The following ZNF460 variants were observed in gnomAD, a reference collection of about 807,000 sequenced individuals.
The protein encoded by ZNF460 is zinc finger protein 272.
A neutral mutation model predicts 8.4 loss-of-function variants in ZNF460; 1 was observed. That is an observed-to-expected ratio of 0.12 (90% CI 0.04 to 0.56). ZNF460 has a LOEUF of 0.56. Ranked by LOEUF, ZNF460 falls within the 20% of genes least tolerant of loss-of-function variation. The probability of loss-of-function intolerance (pLI) is 0.91; values close to 1 mark genes in which losing one functional copy is unlikely to be tolerated. For missense variants in ZNF460, 477 were observed against 714.8 expected, an observed-to-expected ratio of 0.67 and a Z score of 3.79; for synonymous variants, 262 against 259.9, an observed-to-expected ratio of 1.01 and a Z score of -0.08.
At chr19:57,283,103 T>C (rs2122883306) in intron 1 of ZNF460, among the ~76,000 whole-genome samples, 2 of 150,864 alleles carry the variant, frequency 1.3e-5, no homozygotes, top group South Asian at 2.1e-4. Context: ...GAGATGATGA[T>C]GGTAAATTCA....
At chr19:57,290,009 G>A (rs778841299) in intron 2 of ZNF460, among the ~76,000 whole-genome samples, 5 of 151,812 alleles carry the variant, frequency 3.3e-5, no homozygotes, top group Admixed American at 1.3e-4. Context: ...GCATGGTGGC[G>A]CACACCTGTA....
chr19:57,291,578 A>G lies in ZNF460; in HGVS notation c.1037A>G (p.Asn346Ser), dbSNP rs763152933. 4 of 1,613,952 alleles carry G rather than the reference A, an allele frequency of 2.5e-6. No individual in the cohort carries two copies. The highest frequency in any genetic ancestry group is 2.2e-5 in the South Asian group (2 of 91,072). ...TGCCTTGAGTGTGGGAAGGCCTTCA[A>G]CTGCAGGTCACACCTCAAGCAGCAT... ...FKCLECGKAF[N>S]CRSHLKQHER... The change falls in exon 3 of 3, where the codon AAC becomes AGC. Residue 346 changes from asparagine (N) to serine (S), a missense_variant. By Grantham distance (46) the Asn-to-Ser change is conservative (BLOSUM62 1). This residue lies in a region of ZNF460 where 193 missense variants were observed against 391.7 expected (regional missense o/e 0.49). Transcript: ENST00000360338. The surrounding 1 kb of genome is among the most constrained non-coding windows in gnomAD (Gnocchi z 8.4).
chr19:57,286,607 A>G (rs986965319), intron 2 of ZNF460, among the ~76,000 whole-genome samples: 1 of 151,812 alleles, frequency 6.6e-6, no homozygotes, highest in Non-Finnish European at 1.5e-5. Flanking sequence ...TCATAATAAG[A>G]CTCCATCTTT....
chr19:57,285,310 G>A (rs10409978), intron 2 of ZNF460, among the ~76,000 whole-genome samples: 30,194 of 152,158 alleles, frequency 0.2, 3,169 homozygotes, highest in Middle Eastern at 0.26. Context: ...GTTGTCTGGT[G>A]CTGGCTTCCC....
At chr19:57,281,342 TC>T (rs1277754949) in intron 1 of ZNF460, among the ~76,000 whole-genome samples, 22 of 152,144 alleles carry the variant, frequency 1.4e-4, no homozygotes. Context: ...TTTTGGCAAT[TC>T]CGGCTAAAGT....
Position 57,284,652 on chromosome 19 carries a change from G to C in ZNF460, c.132G>C (p.Glu44Asp). The C allele has an allele frequency of 1.2e-6, 2 of 1,612,636 alleles. No homozygotes were observed. Among genetic ancestry groups the C allele is most frequent in the Non-Finnish European group, 1.7e-6 (2 of 1,179,340 alleles). Residue 44 changes from glutamate (E) to aspartate (D), a missense_variant, in exon 2 of 3, where the codon GAG becomes GAC. Glu to Asp is a conservative substitution (Grantham distance 45). This residue lies in a region of ZNF460 where 10 missense variants were observed against 39.8 expected (regional missense o/e 0.25). Transcript: ENST00000360338. ...QRALYVEVML[E>D]TCGLLVALGD... The stretch of plus-strand genomic sequence containing the variant: ...CCTTGTACGTGGAGGTGATGCTGGA[G>C]ACCTGTGGGCTTCTGGTCGCACTGG...
chr19:57,292,400 A>C lies in ZNF460; in HGVS notation c.*170A>C. On this transcript the variant is annotated 3_prime_UTR_variant, in exon 3 of 3. Coordinates refer to ENST00000360338, the MANE Select transcript of ZNF460 (RefSeq NM_006635.4). ...TCCATAAGTATCATCTCTGTGGGAA[A>C]ACCTGTTTTAGATCATCATTTGTCA... 1 of 694,400 alleles carries C rather than the reference A, an allele frequency of 1.4e-6. No homozygotes were observed. Among genetic ancestry groups the C allele is most frequent in the South Asian group, 2.0e-5 (1 of 49,888 alleles). The allele number at this position is 694,400 out of a possible 1,614,324, so 43.0% of individuals were successfully genotyped here.
chr19:57,290,888 A>G lies in ZNF460; in HGVS notation c.347A>G (p.Glu116Gly). 3 of 1,614,188 alleles carry G rather than the reference A, an allele frequency of 1.9e-6. No homozygotes were observed. The highest frequency in any genetic ancestry group is 1.1e-5 in the South Asian group (1 of 91,088). The change falls in exon 3 of 3, where the codon GAG becomes GGG. Residue 116 changes from glutamate (E) to glycine (G), a missense_variant. Coordinates refer to ENST00000360338, the MANE Select transcript of ZNF460 (RefSeq NM_006635.4). ...AGACCAGGGACAGACCCACAGAGTG[A>G]GAAACTCCATGGGAAAATGAGCCTT... is the stretch of plus-strand genomic sequence containing the variant. ...FLRPGTDPQS[E>G]KLHGKMSLEH...
At chr19:57,286,541 C>T (rs531285405) in intron 2 of ZNF460, among the ~76,000 whole-genome samples, 31 of 152,164 alleles carry the variant, frequency 2.0e-4, no homozygotes, top group Non-Finnish European at 3.7e-4. Context: ...CCAGCTACTC[C>T]GGAGGCTGAG....
intron 1 of ZNF460, 130 bp downstream of exon 1, chr19:57,280,966 C>A: frequency 7.5e-7 from 1 of 1,342,278 alleles, no homozygotes. Context: ...ATGGCCGTGG[C>A]TTGTCATTTC....
intron 2 of ZNF460, among the ~76,000 whole-genome samples, chr19:57,288,954 C>T (rs928489927): frequency 1.3e-5 from 2 of 150,556 alleles, no homozygotes; most frequent in African/African-American, 4.9e-5. Context: ...TCTCGAACTC[C>T]TGGGCTCAGC....
At chr19:57,284,738 T>C in intron 2 of ZNF460, 61 bp downstream of exon 2, 1 of 1,500,404 alleles carries the variant, frequency 6.7e-7, no homozygotes, top group Non-Finnish European at 8.9e-7. Context: ...CATTCTAGCC[T>C]TCATCCTGGC....
chr19:57,287,703 T>G (rs1337125753), intron 2 of ZNF460, among the ~76,000 whole-genome samples: 1 of 152,206 alleles, frequency 6.6e-6, no homozygotes, highest in Admixed American at 6.5e-5. Flanking sequence ...TGTGAAAGTT[T>G]CCATTGCTCC....
chr19:57,292,110 C>G lies in ZNF460; in HGVS notation c.1569C>G (p.Ser523=). ...SCESTDLIQH[S]IIHTESSPVS... ...AGAGCACAGATCTCATTCAACACTC[C>G]ATCATCCACACTGAGAGTAGCCCAG... Residue 523 remains serine, a synonymous_variant, in exon 3 of 3, where the codon TCC becomes TCG. Transcript: ENST00000360338. 6.2e-7 allele frequency: 1 copy of G among 1,614,172 alleles called. No individual in the cohort carries two copies. The highest frequency in any genetic ancestry group is 8.5e-7 in the Non-Finnish European group (1 of 1,180,034).
intron 2 of ZNF460, among the ~76,000 whole-genome samples, chr19:57,286,688 G>A (rs1032078617): frequency 2.6e-5 from 4 of 152,142 alleles, no homozygotes; most frequent in Non-Finnish European, 5.9e-5. Flanking sequence ...CAGGCCAGGA[G>A]TGGTGGCTCA....
rs1338901094 is a variant in ZNF460 at position 57,291,944 on chromosome 19, G to A, written c.1403G>A (p.Ser468Asn). The A allele has an allele frequency of 2.5e-6, 4 of 1,613,004 alleles. No homozygotes were observed. In the East Asian group the frequency reaches 8.9e-5, roughly 36 times the overall value. ...CRTTNLIRHFSIHTGEKPYEC... is the reference protein window; with the variant it reads ...CRTTNLIRHFNIHTGEKPYEC... ...ACCACAAACCTGATTCGACACTTTA[G>A]CATCCACACTGGAGAGAAGCCCTAT... Residue 468 changes from serine to asparagine, a missense_variant, in exon 3 of 3, where the codon AGC becomes AAC. Around this residue, in one of 5 missense-constraint regions of ZNF460, gnomAD observed 193 missense variants for 391.7 expected, o/e 0.49. Coordinates refer to ENST00000360338, the MANE Select transcript of ZNF460 (RefSeq NM_006635.4). This position sits in a 1 kb window ranked among gnomAD's most constrained non-coding sequence, Gnocchi z 8.4.
At position 57,292,785 on chromosome 19, in the gene ZNF460, T is replaced by C. The variant is rs2122899729; in HGVS notation, c.*555T>C. 1 of 153,008 alleles carries C rather than the reference T, an allele frequency of 6.5e-6. No homozygotes were observed. Among genetic ancestry groups the C allele is most frequent in the East Asian group, 1.9e-4 (1 of 5,196 alleles). The allele number at this position is 153,008 out of a possible 1,614,324, so 9.5% of individuals were successfully genotyped here. A position where few individuals can be genotyped will look rare whatever the true frequency, so the allele number is the denominator to read the frequency against. ...GCTGTCCAGTGCTGTAGACAAACGG[T>C]TTGTTTGAAAACATTTTGTGAAAGC... is the stretch of plus-strand genomic sequence containing the variant. On this transcript the variant is annotated 3_prime_UTR_variant, in exon 3 of 3. Coordinates refer to ENST00000360338, the MANE Select transcript of ZNF460 (RefSeq NM_006635.4).
chr19:57,288,661 A>G (rs978011758), intron 2 of ZNF460, among the ~76,000 whole-genome samples: 3 of 152,026 alleles, frequency 2.0e-5, no homozygotes, highest in African/African-American at 7.3e-5. Flanking sequence ...CCAGAGCTAC[A>G]CTCTTAACCT....
At chr19:57,281,987 C>T (rs891756377) in intron 1 of ZNF460, 6 of 152,184 alleles carry the variant, frequency 3.9e-5, no homozygotes, top group Non-Finnish European at 8.8e-5. Flanking sequence ...ACATCATAGC[C>T]TGTGTTTTTA....
Sources: allele counts gnomAD v4.1 joint callset (sites outside exome capture counted in the v4.1 genomes callset), GRCh38; gene constraint gnomAD v4.1.1; regional missense constraint gnomAD v4.1.1; non-coding constraint Gnocchi (gnomAD v3.1); transcripts MANE v1.5; gene names NCBI Gene and HGNC (gene_info 2026-07-23, HGNC 2026-07-21).